The following PTPRM variants were observed in gnomAD, a reference collection of about 807,000 sequenced individuals.
PTPRM encodes the protein protein tyrosine phosphatase receptor type M.
A neutral mutation model predicts 186.7 loss-of-function variants in PTPRM; 47 were observed. That is an observed-to-expected ratio of 0.25 (90% CI 0.20 to 0.32). PTPRM has a LOEUF of 0.32. Among genes scored for constraint, PTPRM ranks in the 10% least tolerant of loss-of-function variants. The pLI is 1.00. For synonymous variants in PTPRM, 668 were observed against 674.9 expected (o/e 0.99, Z 0.16); for missense variants, 1,494 against 1,865.0 (o/e 0.80, Z 3.66).
At chr18:7,719,166 G>A (rs2040400645) in intron 1 of PTPRM, among the ~76,000 whole-genome samples, 2 of 152,172 alleles carry the variant, frequency 1.3e-5, no homozygotes, top group Admixed American at 1.3e-4. Flanking sequence ...CAGCCAATGA[G>A]TGGATAAAGA....
At chr18:8,302,904 T>G (rs1220195885) in intron 20 of PTPRM, among the ~76,000 whole-genome samples, 1 of 151,966 alleles carries the variant, frequency 6.6e-6, no homozygotes, top group Non-Finnish European at 1.5e-5. Flanking sequence ...TGAGTTTGAT[T>G]TGGGGACATA....
intron 14 of PTPRM, among the ~76,000 whole-genome samples, chr18:8,211,377 C>CTTTTTTTTT (rs970926126): frequency 2.3e-3 from 202 of 87,224 alleles, no homozygotes; most frequent in Non-Finnish European, 2.5e-3. Context: ...GTCTCTTCTT[C>CTTTTTTTTT]TTTTTTTTTT....
At chr18:7,919,420 A>T (rs2050740274) in intron 4 of PTPRM, among the ~76,000 whole-genome samples, 1 of 152,150 alleles carries the variant, frequency 6.6e-6, no homozygotes, top group Non-Finnish European at 1.5e-5. Context: ...ACAAATCATA[A>T]CAGAAATACA....
chr18:7,911,791 ATTC>A (rs2050277567), intron 4 of PTPRM, among the ~76,000 whole-genome samples: 2 of 150,380 alleles, frequency 1.3e-5, no homozygotes, highest in Non-Finnish European at 2.9e-5. Context: ...GTAGCTAATA[ATTC>A]TTCTAAGATC....
At chr18:8,347,573 A>G (rs2095512133) in intron 23 of PTPRM, among the ~76,000 whole-genome samples, 2 of 152,224 alleles carry the variant, frequency 1.3e-5, no homozygotes, top group African/African-American at 4.8e-5. Flanking sequence ...TGAAAATGCT[A>G]TGCAGTGGTG....
At chr18:7,822,537 G>T (rs1046560838) in intron 2 of PTPRM, among the ~76,000 whole-genome samples, 5 of 152,222 alleles carry the variant, frequency 3.3e-5, no homozygotes, top group Non-Finnish European at 7.3e-5. Flanking sequence ...CAGAATATTT[G>T]TAGGTTTAGT....
chr18:8,009,845 A>G (rs565518568), intron 7 of PTPRM, among the ~76,000 whole-genome samples: 1 of 152,350 alleles, frequency 6.6e-6, no homozygotes, highest in African/African-American at 2.4e-5. Flanking sequence ...TTACTTTGCT[A>G]TAATGAATGA....
chr18:7,773,547 A>G (rs895449206), intron 1 of PTPRM, among the ~76,000 whole-genome samples: 2 of 146,966 alleles, frequency 1.4e-5, no homozygotes, highest in African/African-American at 5.0e-5. Context: ...CTTAGGTCTT[A>G]CTTTCTTTTT....
At chr18:7,673,692 A>C (rs2144507170) in intron 1 of PTPRM, among the ~76,000 whole-genome samples, 1 of 152,358 alleles carries the variant, frequency 6.6e-6, no homozygotes, top group South Asian at 2.1e-4. Context: ...AAAAACATTC[A>C]AAGGTATAAT....
intron 4 of PTPRM, among the ~76,000 whole-genome samples, chr18:7,920,617 A>G (rs933555504): frequency 2.0e-5 from 3 of 152,196 alleles, no homozygotes; most frequent in African/African-American, 7.2e-5. Flanking sequence ...CACAATACTT[A>G]CGAATAGATT....
chr18:7,662,776 A>G (rs1199402333), intron 1 of PTPRM, among the ~76,000 whole-genome samples: 1 of 152,190 alleles, frequency 6.6e-6, no homozygotes, highest in Non-Finnish European at 1.5e-5. Flanking sequence ...CCCTGATGTG[A>G]TTATTACACA....
intron 14 of PTPRM, among the ~76,000 whole-genome samples, chr18:8,187,049 C>T (rs1261449359): frequency 6.6e-6 from 1 of 151,822 alleles, no homozygotes; most frequent in Admixed American, 6.6e-5. Flanking sequence ...CAGCAATTCT[C>T]GTCTGTCAGC....
At chr18:8,403,294 T>A (rs999379634) in intron 32 of PTPRM, 5 of 152,242 alleles carry the variant, frequency 3.3e-5, no homozygotes, top group African/African-American at 1.2e-4. Flanking sequence ...GCGATTTGTT[T>A]AATAAAGCTT....
In PTPRM at chr18:7,997,378, T is replaced by C. The variant is rs116990890; in HGVS notation, c.1132+41964T>C. On this transcript the variant is annotated intron_variant, in intron 7 of 32. Transcript: ENST00000580170. ...AGACCCCCATCACCAAATATAAAAC[T>C]CAAATAAAAATGATGTAGACTTAAA... 9.5e-3 allele frequency among the ~76,000 whole-genome samples: 1,447 copies of C among 152,112 alleles called. 7 individuals are homozygous for C. The highest frequency in any genetic ancestry group is 0.033 in the South Asian group (161 of 4,826).
At chr18:7,696,869 A>G (rs1461600857) in intron 1 of PTPRM, among the ~76,000 whole-genome samples, 2 of 152,108 alleles carry the variant, frequency 1.3e-5, no homozygotes, top group African/African-American at 2.4e-5. Flanking sequence ...TGATCATCCT[A>G]TTGCTGGGTT....
chr18:7,610,438 A>G (rs952424235), intron 1 of PTPRM, among the ~76,000 whole-genome samples: 1 of 152,070 alleles, frequency 6.6e-6, no homozygotes, highest in Non-Finnish European at 1.5e-5. Flanking sequence ...CTTTAAGAAG[A>G]CATTGTTTGG....
At chr18:7,889,035 A>C (rs911586938) in intron 3 of PTPRM, among the ~76,000 whole-genome samples, 1 of 152,184 alleles carries the variant, frequency 6.6e-6, no homozygotes, top group Middle Eastern at 3.2e-3. Context: ...TGACGGGATT[A>C]ATCATACCTC....
At chr18:7,578,297 G>T (rs2036744059) in intron 1 of PTPRM, among the ~76,000 whole-genome samples, 1 of 151,510 alleles carries the variant, frequency 6.6e-6, no homozygotes, top group African/African-American at 2.4e-5. Context: ...CTGAGTAGTT[G>T]GGAGCATAGG....
intron 4 of PTPRM, among the ~76,000 whole-genome samples, chr18:7,910,946 C>A (rs1369588266): frequency 6.6e-6 from 1 of 152,188 alleles, no homozygotes; most frequent in Non-Finnish European, 1.5e-5. Flanking sequence ...CTGGCCACCA[C>A]TCCTAGCCCT....
Sources: allele counts gnomAD v4.1 joint callset (sites outside exome capture counted in the v4.1 genomes callset), GRCh38; gene constraint gnomAD v4.1.1; transcripts MANE v1.5; gene names NCBI Gene and HGNC (gene_info 2026-07-23, HGNC 2026-07-21).